EFHB: variants seen among roughly 807,000 people sequenced by gnomAD.
EFHB encodes EF-hand domain-containing family member B.
Under a neutral mutation model 87.2 loss-of-function variants are expected in EFHB, and 91 were observed. The ratio of observed to expected loss-of-function variants is 1.04; its 90% CI spans 0.88 to 1.24. The LOEUF is 1.24. Ranked by LOEUF, EFHB falls within the 50% of genes most tolerant of loss-of-function variation. The probability of loss-of-function intolerance (pLI) is 0.00; values close to 1 mark genes in which losing one functional copy is unlikely to be tolerated. For synonymous variants in EFHB, 325 were observed against 333.6 expected, an observed-to-expected ratio of 0.97 and a Z score of 0.28; for missense variants, 1,084 against 998.8, an observed-to-expected ratio of 1.09 and a Z score of -1.15.
At chr3:19,903,513 C>T (rs1694740606) in intron 6 of EFHB, among the ~76,000 whole-genome samples, 1 of 151,548 alleles carries the variant, frequency 6.6e-6, no homozygotes, top group Non-Finnish European at 1.5e-5. Context: ...ATCTGTAGTC[C>T]TTAAATATTT....
intron 6 of EFHB, among the ~76,000 whole-genome samples, chr3:19,903,842 G>T (rs1187711044): frequency 6.6e-6 from 1 of 152,078 alleles, no homozygotes; most frequent in Non-Finnish European, 1.5e-5. Flanking sequence ...ATACTGCCTG[G>T]GTTTCATTCT....
chr3:19,919,040 C>T (rs58512353), intron 3 of EFHB, among the ~76,000 whole-genome samples: 4,495 of 151,544 alleles, frequency 0.03, 226 homozygotes, highest in African/African-American at 0.099. Flanking sequence ...CACTTGACTT[C>T]CAAAAGTTCT....
At chr3:19,905,343 T>C (rs2125135644) in intron 6 of EFHB, among the ~76,000 whole-genome samples, 1 of 152,122 alleles carries the variant, frequency 6.6e-6, no homozygotes, top group East Asian at 1.9e-4. Flanking sequence ...ATAAAGTTGA[T>C]CCCAGAGAAT....
At position 19,879,670 on chromosome 3, in the gene EFHB, T is replaced by C; in HGVS notation, c.2463A>G (p.Leu821=). The C allele has an allele frequency of 6.2e-7, 1 of 1,605,388 alleles. No individual in the cohort carries two copies. Among genetic ancestry groups the C allele is most frequent in the Non-Finnish European group, 8.5e-7 (1 of 1,177,536 alleles). The change falls in exon 13 of 13, where the codon CTA becomes CTG. Residue 821 remains leucine, a synonymous_variant. Transcript: ENST00000295824. ...TACACTTGATCCGGTCTGCATGCCG[T>C]AGCTCATCTAGAACATTTCTGATGT... The part of the protein sequence containing the change: ...VENIRNVLDE[L]RHADRIKCKT...
Position 19,933,808 on chromosome 3 carries a change from C to A in EFHB, c.211G>T (p.Glu71Ter). 6.2e-7 allele frequency: 1 copy of A among 1,614,008 alleles called. No individual in the cohort carries two copies. The highest frequency in any genetic ancestry group is 8.5e-7 in the Non-Finnish European group (1 of 1,179,892). ...ATATTCTGTCTTTCTAATCCCATTT[C>A]AAGCCCCTTGCTCAATGGAAATTTT... ...ETKFPLSKGLEMGLERQNISR... is the reference protein window; with the variant it reads ...ETKFPLSKGL The change falls in exon 1 of 13, where the codon GAA (glutamate) becomes TAA (stop). Residue 71 changes from glutamate to a stop codon, truncating the protein, a stop_gained. Coordinates refer to ENST00000295824, the MANE Select transcript of EFHB (RefSeq NM_144715.4). LOFTEE classifies it high-confidence loss of function.
chr3:19,940,465 C>T (rs150299636), intron 1 of EFHB: 42 of 493,780 alleles, frequency 8.5e-5, no homozygotes, highest in Middle Eastern at 7.0e-4. Context: ...AATTTCATTA[C>T]GCCTGACAAG....
At chr3:19,931,324 G>T (rs1418919154) in intron 1 of EFHB, among the ~76,000 whole-genome samples, 1 of 152,222 alleles carries the variant, frequency 6.6e-6, no homozygotes, top group Non-Finnish European at 1.5e-5. Flanking sequence ...AGAAAGGAAG[G>T]TATGCGAAGT....
intron 9 of EFHB, among the ~76,000 whole-genome samples, chr3:19,889,139 G>A (rs757767915): frequency 4.6e-5 from 7 of 152,156 alleles, no homozygotes; most frequent in Non-Finnish European, 8.8e-5. Flanking sequence ...AGGGGGAGGA[G>A]GGTGGAGGGA....
intron 10 of EFHB, among the ~76,000 whole-genome samples, chr3:19,886,675 T>C (rs1046080294): frequency 1.2e-4 from 3 of 25,890 alleles, no homozygotes; most frequent in African/African-American, 6.1e-4. Flanking sequence ...AGACACTGTC[T>C]CAAAAAAAAA....
At chr3:19,913,441 G>A (rs1695127095) in intron 5 of EFHB, among the ~76,000 whole-genome samples, 1 of 152,096 alleles carries the variant, frequency 6.6e-6, no homozygotes, top group Admixed American at 6.6e-5. Context: ...GTAATCCCAT[G>A]TATTAAACAC....
chr3:19,932,772 C>T (rs2125166740), intron 1 of EFHB, among the ~76,000 whole-genome samples: 1 of 152,296 alleles, frequency 6.6e-6, no homozygotes, highest in Non-Finnish European at 1.5e-5. Flanking sequence ...GAGGTAGGGA[C>T]CATGTACTTT....
chr3:19,933,759 C>T lies in EFHB; in HGVS notation c.260G>A (p.Gly87Asp). 2.5e-6 allele frequency: 4 copies of T among 1,613,996 alleles called. No homozygotes were observed. The highest frequency in any genetic ancestry group is 2.5e-6 in the Non-Finnish European group (3 of 1,179,886). ...TGAGACACTGTCGACTCCTAAACTA[C>T]CCCTCTGCATGACAGTCCTAGAAAT... ...QNISRTVMQR[G>D]SLGVDSVSAS... The change falls in exon 1 of 13, where the codon GGT becomes GAT. Residue 87 changes from glycine to aspartate, a missense_variant. By Grantham distance (94) the Gly-to-Asp change is moderately conservative. Coordinates refer to ENST00000295824, the MANE Select transcript of EFHB (RefSeq NM_144715.4).
chr3:19,937,889 G>T (rs777376808), upstream of EFHB, among the ~76,000 whole-genome samples: 5 of 152,134 alleles, frequency 3.3e-5, no homozygotes, highest in Non-Finnish European at 7.3e-5. Flanking sequence ...GTGACTGTCA[G>T]TGCTTCTGTC....
In EFHB at chr3:19,915,296, C is replaced by T; in HGVS notation, c.1288+7G>A. 3.1e-6 allele frequency: 5 copies of T among 1,595,908 alleles called. No homozygotes were observed. Among genetic ancestry groups the T allele is most frequent in the South Asian group, 1.1e-5 (1 of 90,014 alleles). On this transcript the variant is annotated splice_region_variant and intron_variant, in intron 5 of 12. Coordinates refer to ENST00000295824, the MANE Select transcript of EFHB (RefSeq NM_144715.4). ...CTCAGGCCCATTTTGCATCGGAGGA[C>T]ACTTACCTGCATAATAATCATTGTG...
At chr3:19,920,368 C>T in intron 2 of EFHB, 137 bp downstream of exon 2, 1 of 702,624 alleles carries the variant, frequency 1.4e-6, no homozygotes, top group Non-Finnish European at 2.3e-6. Flanking sequence ...CAATAGAAGG[C>T]CTCAAAATAC....
chr3:19,915,458 C>G, intron 4 of EFHB, 45 bp from the exon 5 acceptor site: 2 of 1,304,728 alleles, frequency 1.5e-6, no homozygotes, highest in Non-Finnish European at 2.2e-6. Flanking sequence ...ACTTTTTAAC[C>G]TATTTATAAT....
chr3:19,910,849 C>T (rs1695039655), intron 5 of EFHB, among the ~76,000 whole-genome samples: 1 of 152,226 alleles, frequency 6.6e-6, no homozygotes, highest in Non-Finnish European at 1.5e-5. Context: ...CCAAGTCCAT[C>T]AAGGCAGTAC....
intron 12 of EFHB, among the ~76,000 whole-genome samples, chr3:19,880,614 TTAAC>T (rs1031794239): frequency 2.6e-5 from 4 of 152,252 alleles, no homozygotes; most frequent in East Asian, 1.9e-4. Context: ...TGTTGGAACT[TTAAC>T]TATGTGTGCA....
Position 19,933,818 on chromosome 3 carries a change from G to T in EFHB, c.201C>A (p.Ser67Arg). The change falls in exon 1 of 13, where the codon AGC (serine) becomes AGA (arginine). Residue 67 changes from serine (S) to arginine (R), a missense_variant. Coordinates refer to ENST00000295824, the MANE Select transcript of EFHB (RefSeq NM_144715.4). ...MAPPETKFPL[S>R]KGLEMGLERQ... is the part of the protein sequence containing the mutation. ...TTTCTAATCCCATTTCAAGCCCCTT[G>T]CTCAATGGAAATTTTGTTTCTGGTG... 1 of 1,613,904 alleles carries T rather than the reference G, an allele frequency of 6.2e-7. No individual in the cohort carries two copies. Among genetic ancestry groups the T allele is most frequent in the Non-Finnish European group, 8.5e-7 (1 of 1,179,870 alleles).
Sources: gnomAD v4.1 joint callset for allele counts (sites outside exome capture counted in the v4.1 genomes callset) on GRCh38, gnomAD v4.1.1 for gene constraint, MANE v1.5 for transcripts, NCBI Gene and HGNC (gene_info 2026-07-23, HGNC 2026-07-21) for gene names.